The following RPRD2 variants were observed in gnomAD, a reference collection of about 807,000 sequenced individuals.
RPRD2 encodes regulation of nuclear pre-mRNA domain containing 2.
A neutral mutation model predicts 104.4 loss-of-function variants in RPRD2; 12 were observed. The observed-to-expected ratio is 0.11, with a 90% CI of 0.07 to 0.19. The LOEUF is 0.19. Ranked by LOEUF, RPRD2 falls within the 10% of genes least tolerant of loss-of-function variation. RPRD2 has a pLI of 1.00. For missense variants in RPRD2, 1,543 were observed against 1,790.1 expected, an observed-to-expected ratio of 0.86 and a Z score of 2.49; for synonymous variants, 714 against 684.9, an observed-to-expected ratio of 1.04 and a Z score of -0.66.
intron 2 of RPRD2, among the ~76,000 whole-genome samples, chr1:150,420,054 C>T (rs781949245): frequency 6.6e-6 from 1 of 152,188 alleles, no homozygotes; most frequent in Non-Finnish European, 1.5e-5. Flanking sequence ...ATCCAAAGCC[C>T]ATGTTGTTTG....
At chr1:150,415,063 G>C (rs951604724) in intron 1 of RPRD2, among the ~76,000 whole-genome samples, 6 of 152,108 alleles carry the variant, frequency 3.9e-5, no homozygotes, top group African/African-American at 9.7e-5. Context: ...GGTGGCTTAT[G>C]CCTGTAATTC....
chr1:150,423,793 T>A (rs75613566), intron 2 of RPRD2, among the ~76,000 whole-genome samples: 2 of 44,076 alleles, frequency 4.5e-5, no homozygotes, highest in Admixed American at 2.2e-4. Context: ...TGAAAACAAA[T>A]TTTTTTTTTT....
At chr1:150,389,762 A>C (rs74462457) in intron 1 of RPRD2, among the ~76,000 whole-genome samples, 1,820 of 152,244 alleles carry the variant, frequency 0.012, 50 homozygotes, top group African/African-American at 0.042. Flanking sequence ...TTAATGCATT[A>C]CTGGGTGTAC....
chr1:150,398,206 A>AT (rs1553884598), intron 1 of RPRD2, among the ~76,000 whole-genome samples: 3 of 129,784 alleles, frequency 2.3e-5, no homozygotes, highest in Non-Finnish European at 1.6e-5. Context: ...ATTTTATTTT[A>AT]TTTTTTTTGA....
At chr1:150,365,028 T>G in intron 1 of RPRD2, 109 bp downstream of exon 1, 1 of 1,170,222 alleles carries the variant, frequency 8.5e-7, no homozygotes, top group Non-Finnish European at 1.2e-6. Flanking sequence ...TTGGGGTTGT[T>G]CACATTAAAG....
chr1:150,444,119 C>G, intron 5 of RPRD2, 132 bp from the exon 6 acceptor site: 2 of 828,768 alleles, frequency 2.4e-6, no homozygotes, highest in Admixed American at 6.5e-5. Flanking sequence ...AAGTTTTTTT[C>G]CTCCCAGGGT....
At chr1:150,390,947 A>G (rs1233407479) in intron 1 of RPRD2, among the ~76,000 whole-genome samples, 2 of 152,208 alleles carry the variant, frequency 1.3e-5, no homozygotes, top group Non-Finnish European at 2.9e-5. Flanking sequence ...ATCTACTTGT[A>G]CATACTTTAT....
In RPRD2 at chr1:150,473,557, A is replaced by T. The variant is rs918094080; in HGVS notation, c.*223A>T. 5 of 63,880 alleles carry T rather than the reference A, an allele frequency of 7.8e-5. No individual in the cohort carries two copies. The highest frequency in any genetic ancestry group is 9.3e-5 in the Non-Finnish European group (3 of 32,334). The allele number at this position is 63,880 out of a possible 1,614,324, so 4.0% of individuals were successfully genotyped here. On this transcript the variant is annotated 3_prime_UTR_variant, in exon 11 of 11. Coordinates refer to ENST00000369068, the MANE Select transcript of RPRD2 (RefSeq NM_015203.5). Reference sequence around the variant, plus strand: ...CTACCTTCCCCAAGTTGTTTGTATTAAAAAAAAAAAAAAAAAAAAAAAGTA... The same window carrying T: ...CTACCTTCCCCAAGTTGTTTGTATTTAAAAAAAAAAAAAAAAAAAAAAGTA...
At chr1:150,419,208 T>C (rs1664587044) in intron 2 of RPRD2, among the ~76,000 whole-genome samples, 1 of 152,156 alleles carries the variant, frequency 6.6e-6, no homozygotes, top group African/African-American at 2.4e-5. Flanking sequence ...TTGTTTTCTA[T>C]AAGAGGCACA....
At chr1:150,375,630 C>A (rs2102102771) in intron 1 of RPRD2, among the ~76,000 whole-genome samples, 1 of 152,298 alleles carries the variant, frequency 6.6e-6, no homozygotes, top group African/African-American at 2.4e-5. Context: ...CTTTCTTAAA[C>A]TAATAAATAA....
intron 1 of RPRD2, among the ~76,000 whole-genome samples, chr1:150,370,199 A>G (rs1378132412): frequency 1.3e-5 from 2 of 152,316 alleles, no homozygotes; most frequent in Admixed American, 1.3e-4. Flanking sequence ...GGCGTGAACC[A>G]CCAGGCCCAG....
chr1:150,440,912 T>A lies in RPRD2; in HGVS notation c.336-11T>A. On this transcript the variant is annotated splice_polypyrimidine_tract_variant and intron_variant, in intron 2 of 10. Coordinates refer to ENST00000369068, the MANE Select transcript of RPRD2 (RefSeq NM_015203.5). ...TTTTTATAGTCTGTATTACTTTTTCTTTGTTTTCAGGGATCCATCTGTCTC... is the reference window on the plus strand; with the variant it reads ...TTTTTATAGTCTGTATTACTTTTTCATTGTTTTCAGGGATCCATCTGTCTC... 1 of 1,429,214 alleles carries A rather than the reference T, an allele frequency of 7.0e-7. No individual in the cohort carries two copies. 88.5% of individuals were successfully genotyped at this position (1,429,214 alleles called of 1,614,324 possible).
chr1:150,460,215 C>T lies in RPRD2; in HGVS notation c.1309C>T (p.Leu437Phe), dbSNP rs782595588. ...TCTTCCAAAGCCTGTGAATACTTCT[C>T]TTTCCCCTTCCCCAGCATTGGCTTT... ...PPLPKPVNTS[L>F]SPSPALALPN... The change falls in exon 9 of 11, where the codon CTT becomes TTT. Residue 437 changes from leucine (L) to phenylalanine (F), a missense_variant. By Grantham distance (22) the Leu-to-Phe change is conservative (BLOSUM62 0). Coordinates refer to ENST00000369068, the MANE Select transcript of RPRD2 (RefSeq NM_015203.5). 1 of 1,613,954 alleles carries T rather than the reference C, an allele frequency of 6.2e-7. No homozygotes were observed. Among genetic ancestry groups the T allele is most frequent in the South Asian group, 1.1e-5 (1 of 91,080 alleles).
intron 3 of RPRD2, 55 bp downstream of exon 3, chr1:150,441,078 C>T (rs1553894334): frequency 1.2e-6 from 1 of 845,562 alleles, no homozygotes; most frequent in Non-Finnish European, 1.9e-6. Flanking sequence ...TTTACAATTA[C>T]ATAATTTTAT....
At chr1:150,440,798 G>A in intron 2 of RPRD2, 125 bp from the exon 3 acceptor site, 2 of 629,402 alleles carry the variant, frequency 3.2e-6, no homozygotes, top group Non-Finnish European at 5.6e-6. Context: ...ATAGAAAAAA[G>A]GTTTTGAAAT....
chr1:150,382,944 C>G (rs1001286802), intron 1 of RPRD2, among the ~76,000 whole-genome samples: 3 of 152,066 alleles, frequency 2.0e-5, no homozygotes, highest in Admixed American at 2.0e-4. Flanking sequence ...CCTCAGCCTC[C>G]CAAAGATGCC....
chr1:150,399,394 C>A (rs1038636916), intron 1 of RPRD2, among the ~76,000 whole-genome samples: 1 of 152,124 alleles, frequency 6.6e-6, no homozygotes, highest in African/African-American at 2.4e-5. Context: ...TCCAATTGTT[C>A]GAGCACCATT....
chr1:150,432,853 T>C (rs1665701553), intron 2 of RPRD2, among the ~76,000 whole-genome samples: 2 of 152,028 alleles, frequency 1.3e-5, no homozygotes, highest in East Asian at 3.9e-4. Flanking sequence ...GGCATGTGTT[T>C]ATAGTCCCAG....
At chr1:150,423,366 G>A (rs1479437792) in intron 2 of RPRD2, among the ~76,000 whole-genome samples, 2 of 152,140 alleles carry the variant, frequency 1.3e-5, no homozygotes, top group African/African-American at 4.8e-5. Context: ...TCAGGATGGT[G>A]TAAGAGTAGG....
Sources: gnomAD v4.1 joint callset for allele counts (sites outside exome capture counted in the v4.1 genomes callset) on GRCh38, gnomAD v4.1.1 for gene constraint, MANE v1.5 for transcripts, NCBI Gene and HGNC (gene_info 2026-07-23, HGNC 2026-07-21) for gene names.